Variants in DIP2C observed in about 807,000 individuals in gnomAD.
The protein encoded by DIP2C is disco-interacting protein 2 homolog C.
A neutral mutation model predicts 192.4 loss-of-function variants in DIP2C; 33 were observed. The observed-to-expected ratio is 0.17, with a 90% CI of 0.13 to 0.23. The LOEUF is 0.23. Among genes scored for constraint, DIP2C ranks in the 10% least tolerant of loss-of-function variants. The probability of loss-of-function intolerance (pLI) is 1.00; values close to 1 mark genes in which losing one functional copy is unlikely to be tolerated. For missense variants in DIP2C, 1,537 were observed against 2,110.1 expected, an observed-to-expected ratio of 0.73 and a Z score of 5.32; for synonymous variants, 979 against 864.1, an observed-to-expected ratio of 1.13 and a Z score of -2.33.
intron 17 of DIP2C, among the ~76,000 whole-genome samples, chr10:380,685 T>TCCCC (rs1280217165): frequency 2.6e-5 from 4 of 152,210 alleles, no homozygotes; most frequent in Non-Finnish European, 2.9e-5. Context: ...CTGTACTGCC[T>TCCCC]CCCACATTGG....
rs1028741266 is a variant in DIP2C at position 282,424 on chromosome 10, G to A, written c.4294+848C>T. ...GTATGATTCCTAAACATAGCCTGTT[G>A]GGCCAGGCCATTGTAGGTATGTTAG... On this transcript the variant is annotated intron_variant, in intron 35 of 36. Coordinates refer to ENST00000280886, the MANE Select transcript of DIP2C (RefSeq NM_014974.3). Among the ~76,000 whole-genome samples the A allele has an allele frequency of 3.3e-5, 5 of 152,304 alleles. No homozygotes were observed. The South Asian group carries it at 6.2e-4, about 19-fold the overall frequency.
Position 450,948 on chromosome 10 carries a change from T to C in DIP2C, c.269-9952A>G, listed in dbSNP as rs192599995. Among the ~76,000 whole-genome samples the C allele has an allele frequency of 1.1e-4, 17 of 152,288 alleles. No individual in the cohort carries two copies. In the East Asian group the frequency reaches 2.5e-3, roughly 22 times the overall value. On this transcript the variant is annotated intron_variant, in intron 3 of 36. Transcript: ENST00000280886. Reference sequence around the variant, plus strand: ...GTCTGTATGTGCGTACATGTATGTATATGTCCATATGTGTGGGTATAAAAT... The same window carrying C: ...GTCTGTATGTGCGTACATGTATGTACATGTCCATATGTGTGGGTATAAAAT...
intron 1 of DIP2C, among the ~76,000 whole-genome samples, chr10:489,244 G>A (rs894102878): frequency 6.6e-6 from 1 of 152,190 alleles, no homozygotes; most frequent in Non-Finnish European, 1.5e-5. Flanking sequence ...AGGTCCACCA[G>A]ATTCCCATGA....
chr10:641,714 G>A (rs1855208106), intron 1 of DIP2C: 1 of 154,184 alleles, frequency 6.5e-6, no homozygotes, highest in Non-Finnish European at 1.5e-5. Flanking sequence ...AACAAGGAAA[G>A]ACAGGAGGCC....
chr10:419,091 T>G lies in DIP2C; in HGVS notation c.713A>C (p.Asn238Thr). 5.0e-6 allele frequency: 8 copies of G among 1,614,282 alleles called. No homozygotes were observed. Among genetic ancestry groups the G allele is most frequent in the Non-Finnish European group, 6.8e-6 (8 of 1,180,052 alleles). The change falls in exon 6 of 37, where the codon AAC becomes ACC. Residue 238 changes from asparagine (N) to threonine (T), a missense_variant. Asn to Thr is a moderately conservative substitution (Grantham distance 65). Coordinates refer to ENST00000280886, the MANE Select transcript of DIP2C (RefSeq NM_014974.3). ...ATCCCCGGTCTCCATGAGCTCGGCGTTGCCGTACTTGGGCGCTGTCCGGGA... is the reference window on the plus strand; with the variant it reads ...ATCCCCGGTCTCCATGAGCTCGGCGGTGCCGTACTTGGGCGCTGTCCGGGA... Reference protein sequence around the residue: ...TGSRTAPKYGNAELMETGDGV... With the variant: ...TGSRTAPKYGTAELMETGDGV...
At chr10:420,529 C>G (rs1966112649) in intron 5 of DIP2C, among the ~76,000 whole-genome samples, 1 of 152,318 alleles carries the variant, frequency 6.6e-6, no homozygotes, top group African/African-American at 2.4e-5. Context: ...CCTCAGCGGA[C>G]TTGGATGGTA....
chr10:466,168 ATGGTAC>A (rs1281151224), intron 3 of DIP2C, among the ~76,000 whole-genome samples: 1 of 151,746 alleles, frequency 6.6e-6, no homozygotes, highest in Admixed American at 6.6e-5. Flanking sequence ...CCAAAACAGC[ATGGTAC>A]TGGTACCAAA....
At chr10:453,738 C>T (rs1351222683) in intron 3 of DIP2C, among the ~76,000 whole-genome samples, 10 of 152,234 alleles carry the variant, frequency 6.6e-5, no homozygotes, top group Non-Finnish European at 1.3e-4. Flanking sequence ...GTAACAGGTA[C>T]AGCTGGACTC....
intron 1 of DIP2C, among the ~76,000 whole-genome samples, chr10:644,829 C>T (rs765497890): frequency 1.1e-4 from 17 of 152,266 alleles, no homozygotes; most frequent in Non-Finnish European, 1.9e-4. Flanking sequence ...GAATGAAACA[C>T]GGCCCCTGGG....
Position 666,549 on chromosome 10 carries a change from A to G in DIP2C, c.85+22945T>C, listed in dbSNP as rs1174090522. On this transcript the variant is annotated intron_variant, in intron 1 of 36. Coordinates refer to ENST00000280886, the MANE Select transcript of DIP2C (RefSeq NM_014974.3). The surrounding 1 kb of genome is among the most constrained non-coding windows in gnomAD (Gnocchi z 4.1). Reference sequence around the variant, plus strand: ...CTCCGGGAGCAGCCGGTTTCTGCACACAGGTAACATAGAACTGGGGGTAAG... The same window carrying G: ...CTCCGGGAGCAGCCGGTTTCTGCACGCAGGTAACATAGAACTGGGGGTAAG... The G allele has an allele frequency of 6.6e-6, 1 of 151,364 alleles. No individual in the cohort carries two copies. Among genetic ancestry groups the G allele is most frequent in the Admixed American group, 6.6e-5 (1 of 15,248 alleles). The allele number at this position is 151,364 out of a possible 1,614,324, so 9.4% of individuals were successfully genotyped here.
At chr10:526,025 G>C (rs181662928) in intron 1 of DIP2C, among the ~76,000 whole-genome samples, 1 of 152,350 alleles carries the variant, frequency 6.6e-6, no homozygotes, top group Admixed American at 6.5e-5. Context: ...GCCTGGCGTG[G>C]ATTTTCCTTA....
At chr10:607,358 C>T (rs938416171) in intron 1 of DIP2C, among the ~76,000 whole-genome samples, 1 of 152,204 alleles carries the variant, frequency 6.6e-6, no homozygotes, top group African/African-American at 2.4e-5. Context: ...CTTCATTATC[C>T]AGAAGCCAGT....
chr10:412,470 A>G (rs1286491153), intron 8 of DIP2C, among the ~76,000 whole-genome samples: 1 of 152,242 alleles, frequency 6.6e-6, no homozygotes, highest in Non-Finnish European at 1.5e-5. Flanking sequence ...TTTTGACTCA[A>G]TAAAACCTAT....
chr10:530,008 G>A (rs971282808), intron 1 of DIP2C, among the ~76,000 whole-genome samples: 6 of 152,248 alleles, frequency 3.9e-5, no homozygotes, highest in Non-Finnish European at 8.8e-5. Context: ...CGTCCACCTT[G>A]CCGACCGGCT....
At chr10:380,913 G>A (rs1383182171) in intron 17 of DIP2C, among the ~76,000 whole-genome samples, 2 of 152,128 alleles carry the variant, frequency 1.3e-5, no homozygotes, top group Admixed American at 6.5e-5. Context: ...CCAAAAACAC[G>A]CATCTGTCCC....
At chr10:603,782 C>T (rs541682023) in intron 1 of DIP2C, among the ~76,000 whole-genome samples, 2 of 152,296 alleles carry the variant, frequency 1.3e-5, no homozygotes, top group Admixed American at 1.3e-4. Context: ...CCTCTCACAG[C>T]CCTGAAAGTC....
At chr10:485,271 TCA>T (rs1047028275) in intron 2 of DIP2C, among the ~76,000 whole-genome samples, 2 of 152,210 alleles carry the variant, frequency 1.3e-5, no homozygotes, top group African/African-American at 4.8e-5. Context: ...AGAGGGGAAC[TCA>T]CAGGGACAGG....
At chr10:453,155 G>C (rs1968991267) in intron 3 of DIP2C, among the ~76,000 whole-genome samples, 1 of 152,226 alleles carries the variant, frequency 6.6e-6, no homozygotes, top group Non-Finnish European at 1.5e-5. Flanking sequence ...AAAATGAGCT[G>C]ATAAATGAAA....
At chr10:311,035 AG>A (rs1393664710) in intron 31 of DIP2C, among the ~76,000 whole-genome samples, 4 of 152,024 alleles carry the variant, frequency 2.6e-5, no homozygotes, top group Non-Finnish European at 5.9e-5. Flanking sequence ...GAAAAAAAAA[AG>A]ACAATGTCAT....
Sources: gnomAD v4.1 joint callset for allele counts (sites outside exome capture counted in the v4.1 genomes callset) on GRCh38, gnomAD v4.1.1 for gene constraint, Gnocchi (gnomAD v3.1) non-coding constraint, MANE v1.5 for transcripts, NCBI Gene and HGNC (gene_info 2026-07-23, HGNC 2026-07-21) for gene names.